PCNX1: variants seen among roughly 807,000 people sequenced by gnomAD.
PCNX1 encodes pecanex 1.
In PCNX1, 78 loss-of-function variants were observed where a neutral mutation model predicts 242.2. That is an observed-to-expected ratio of 0.32 (90% CI 0.27 to 0.39). PCNX1 has a LOEUF of 0.39. Among genes scored for constraint, PCNX1 ranks in the 10% least tolerant of loss-of-function variants. The pLI is 1.00. For missense variants in PCNX1, 2,581 were observed against 2,856.5 expected (o/e 0.90, Z 2.20); for synonymous variants, 1,024 against 1,032.9 (o/e 0.99, Z 0.17).
chr14:70,930,346 C>T (rs2056749352), intron 1 of PCNX1, among the ~76,000 whole-genome samples: 1 of 152,144 alleles, frequency 6.6e-6, no homozygotes, highest in Admixed American at 6.5e-5. Flanking sequence ...TAACTCCTGG[C>T]TTAGTGACTT....
At chr14:70,967,676 A>C (rs1224444441) in intron 3 of PCNX1, among the ~76,000 whole-genome samples, 2 of 152,200 alleles carry the variant, frequency 1.3e-5, no homozygotes, top group Non-Finnish European at 2.9e-5. Context: ...TCTGTCTATA[A>C]AGAAGTACTT....
chr14:71,033,417 ATT>A lies in PCNX1; in HGVS notation c.3559-8_3559-7del. 1 of 1,403,274 alleles carries A rather than the reference ATT, an allele frequency of 7.1e-7. No individual in the cohort carries two copies. The highest frequency in any genetic ancestry group is 1.4e-5 in the African/African-American group (1 of 70,454). 86.9% of individuals were successfully genotyped at this position (1,403,274 alleles called of 1,614,324 possible). On this transcript the variant is annotated splice_polypyrimidine_tract_variant and intron_variant, in intron 16 of 35. Coordinates refer to ENST00000304743, the MANE Select transcript of PCNX1 (RefSeq NM_014982.3). ...AGAAGCATATTATTCTGTTAAATTC[ATT>A]TTTCCGCAGGATTCTTGGGATGGCC... is the stretch of plus-strand genomic sequence containing the variant.
chr14:70,966,088 CTT>C (rs1226339138), intron 3 of PCNX1, among the ~76,000 whole-genome samples: 1 of 152,092 alleles, frequency 6.6e-6, no homozygotes, highest in African/African-American at 2.4e-5. Context: ...TACAGTGACA[CTT>C]TGGGGAATGC....
rs1296932456 is a variant in PCNX1, at chr14:71,113,143, A to G, written c.*3208A>G. ...TTGGAAGAGTAAGTGGTGAGGCTGTATGTATATTTTTTAAGAGATTACCTT... is the reference window on the plus strand; with the variant it reads ...TTGGAAGAGTAAGTGGTGAGGCTGTGTGTATATTTTTTAAGAGATTACCTT... On this transcript the variant is annotated 3_prime_UTR_variant, in exon 36 of 36. Transcript: ENST00000304743. 3 of 152,224 alleles carry G rather than the reference A, an allele frequency of 2.0e-5. No homozygotes were observed. Among genetic ancestry groups the G allele is most frequent in the Admixed American group, 1.3e-4 (2 of 15,274 alleles). 9.4% of individuals were successfully genotyped at this position (152,224 alleles called of 1,614,324 possible).
intron 5 of PCNX1, among the ~76,000 whole-genome samples, chr14:70,976,736 A>G (rs1046983920): frequency 4.6e-5 from 7 of 152,292 alleles, no homozygotes; most frequent in South Asian, 2.1e-4. Flanking sequence ...CCAGTTGAAG[A>G]ACTCAAAGAT....
At chr14:71,039,739 TC>T (rs2060652417) in intron 19 of PCNX1, among the ~76,000 whole-genome samples, 1 of 152,154 alleles carries the variant, frequency 6.6e-6, no homozygotes, top group East Asian at 1.9e-4. Flanking sequence ...ACATACCCTC[TC>T]CTAAAACCCC....
intron 19 of PCNX1, among the ~76,000 whole-genome samples, chr14:71,044,036 T>C (rs1281051850): frequency 1.3e-5 from 2 of 152,224 alleles, no homozygotes; most frequent in African/African-American, 4.8e-5. Context: ...ATGCTTTGGC[T>C]TTGGTTCTGG....
intron 26 of PCNX1, among the ~76,000 whole-genome samples, chr14:71,073,077 G>A (rs1171733917): frequency 1.3e-5 from 2 of 152,228 alleles, no homozygotes; most frequent in African/African-American, 4.8e-5. Flanking sequence ...CCTGAGGCAG[G>A]CAGATCGCAA....
chr14:71,104,337 T>C (rs1280337254), intron 32 of PCNX1, among the ~76,000 whole-genome samples: 1 of 152,118 alleles, frequency 6.6e-6, no homozygotes, highest in Non-Finnish European at 1.5e-5. Context: ...AACTCTCAAA[T>C]GTTCAATCTC....
chr14:71,023,100 G>A, intron 12 of PCNX1, 100 bp from the exon 13 acceptor site: 1 of 865,402 alleles, frequency 1.2e-6, no homozygotes, highest in East Asian at 2.4e-5. Flanking sequence ...TGTGGTTGTG[G>A]AATATTTACT....
At chr14:71,009,953 A>G (rs2059777095) in intron 9 of PCNX1, 2 of 351,410 alleles carry the variant, frequency 5.7e-6, no homozygotes, top group Non-Finnish European at 5.1e-6. Context: ...ACATACTTAT[A>G]ATCTTGTTTG....
chr14:70,914,232 G>A lies in PCNX1; in HGVS notation c.153+6229G>A, dbSNP rs553706314. Among the ~76,000 whole-genome samples the A allele has an allele frequency of 2.0e-4, 31 of 152,260 alleles. No individual in the cohort carries two copies. In the East Asian group the frequency reaches 6.0e-3, roughly 29 times the overall value. ...GTTGAAAAGCTATACATTGGCTACT[G>A]TGTTCACTACTTGGGTGACAGGATC... On this transcript the variant is annotated intron_variant, in intron 1 of 35. Coordinates refer to ENST00000304743, the MANE Select transcript of PCNX1 (RefSeq NM_014982.3).
At chr14:70,953,000 G>T (rs1019824163) in intron 2 of PCNX1, among the ~76,000 whole-genome samples, 7 of 152,318 alleles carry the variant, frequency 4.6e-5, no homozygotes, top group African/African-American at 1.4e-4. Context: ...GGGCAAGGTG[G>T]CTCCTGCCTG....
At chr14:71,013,966 C>T (rs2059891360) in intron 11 of PCNX1, among the ~76,000 whole-genome samples, 1 of 152,160 alleles carries the variant, frequency 6.6e-6, no homozygotes, top group Non-Finnish European at 1.5e-5. Context: ...TAGAGATCTG[C>T]ATTGAGTCAC....
chr14:71,047,717 T>C (rs2060903297), intron 21 of PCNX1, 90 bp from the exon 22 acceptor site: 2 of 1,066,770 alleles, frequency 1.9e-6, no homozygotes, highest in Admixed American at 2.3e-5. Context: ...ATTATAAGCT[T>C]AGTAAAGTAA....
intron 23 of PCNX1, 32 bp from the exon 24 acceptor site, chr14:71,051,851 A>C (rs1196758597): frequency 6.2e-7 from 1 of 1,604,624 alleles, no homozygotes; most frequent in Non-Finnish European, 8.5e-7. Context: ...TGCTCAGATG[A>C]ATGTCAGTGT....
chr14:70,997,150 C>G (rs1036755884), intron 8 of PCNX1, among the ~76,000 whole-genome samples: 2 of 152,060 alleles, frequency 1.3e-5, no homozygotes, highest in Non-Finnish European at 2.9e-5. Flanking sequence ...AGGTAGACTC[C>G]AGTTTAGCTA....
In PCNX1 at chr14:71,102,026, A is replaced by T. The variant is rs147560725; in HGVS notation, c.5626A>T (p.Thr1876Ser). The change falls in exon 31 of 36, where the codon ACT becomes TCT. Residue 1876 changes from threonine (T) to serine (S), a missense_variant. Thr to Ser is a moderately conservative substitution (Grantham distance 58). This residue lies in a region of PCNX1 where 298 missense variants were observed against 480.1 expected (regional missense o/e 0.62). Coordinates refer to ENST00000304743, the MANE Select transcript of PCNX1 (RefSeq NM_014982.3). ...FTSPDEYDDPTVLYEAIVSHE... is the reference protein window; with the variant it reads ...FTSPDEYDDPSVLYEAIVSHE... ...TTCTCCAGATGAATATGATGACCCT[A>T]CTGTGCTCTATGAAGCCATAGTATC... 3.1e-6 allele frequency: 5 copies of T among 1,612,244 alleles called. No homozygotes were observed. The highest frequency in any genetic ancestry group is 2.2e-5 in the East Asian group (1 of 44,870).
chr14:71,092,832 TACA>T (rs751635870), intron 30 of PCNX1: 1 of 152,234 alleles, frequency 6.6e-6, no homozygotes, highest in Non-Finnish European at 1.5e-5. Flanking sequence ...ATTTTGATTG[TACA>T]ACAAGAAGGC....
Sources: allele counts gnomAD v4.1 joint callset (sites outside exome capture counted in the v4.1 genomes callset), GRCh38; gene constraint gnomAD v4.1.1; regional missense constraint gnomAD v4.1.1; transcripts MANE v1.5; gene names NCBI Gene and HGNC (gene_info 2026-07-23, HGNC 2026-07-21).